IQANK1: variants seen among roughly 807,000 people sequenced by gnomAD.
IQANK1 encodes IQ motif and ankyrin repeat domain-containing protein 1.
A neutral mutation model predicts 22.6 loss-of-function variants in IQANK1; 30 were observed. That is an observed-to-expected ratio of 1.33 (90% CI 0.99 to 1.80). The LOEUF (loss-of-function observed/expected upper bound fraction) is 1.80. Ranked by LOEUF, IQANK1 falls within the 40% of genes most tolerant of loss-of-function variation. IQANK1 has a pLI of 0.00. For missense variants in IQANK1, 275 were observed against 235.2 expected (o/e 1.17, Z -1.11); for synonymous variants, 122 against 99.6 (o/e 1.23, Z -1.34).
At chr8:143,753,696 C>T (rs978546078) in intron 3 of IQANK1, among the ~76,000 whole-genome samples, 11 of 152,148 alleles carry the variant, frequency 7.2e-5, no homozygotes, top group Non-Finnish European at 1.2e-4. Context: ...CTCAGGTGAC[C>T]TGCCTGCCTC....
chr8:143,764,360 A>G (rs60570561), intron 3 of IQANK1, among the ~76,000 whole-genome samples: 8,289 of 150,970 alleles, frequency 0.055, 767 homozygotes, highest in African/African-American at 0.19. Context: ...CCTGCCTTAA[A>G]CCCCAGCACT....
In IQANK1 at chr8:143,781,873, T is replaced by C. The variant is rs116082141; in HGVS notation, c.790-7042T>C. Reference sequence around the variant, plus strand: ...TAAAATGCTTGGTATAATAGTTTGATAGGAATAGCGTCGAATCTGTAAATT... The same window carrying C: ...TAAAATGCTTGGTATAATAGTTTGACAGGAATAGCGTCGAATCTGTAAATT... On this transcript the variant is annotated intron_variant, in intron 7 of 13. Transcript: ENST00000527139. Among the ~76,000 whole-genome samples, 1,255 of 152,346 alleles carry C rather than the reference T, an allele frequency of 8.2e-3. 17 individuals are homozygous for C. Among genetic ancestry groups the C allele is most frequent in the African/African-American group, 0.028 (1,169 of 41,580 alleles).
At chr8:143,779,306 A>G (rs1460663877) in intron 7 of IQANK1, among the ~76,000 whole-genome samples, 4 of 152,214 alleles carry the variant, frequency 2.6e-5, no homozygotes, top group Non-Finnish European at 5.9e-5. Context: ...ATTATGAGAA[A>G]GCAAAGAAGG....
intron 3 of IQANK1, among the ~76,000 whole-genome samples, chr8:143,750,139 C>G (rs1269456541): frequency 1.3e-5 from 2 of 152,056 alleles, no homozygotes; most frequent in South Asian, 2.1e-4. Context: ...GCTGGGATTA[C>G]AGGCATGCGC....
At chr8:143,760,567 C>T (rs1374399995) in intron 3 of IQANK1, 2 of 151,910 alleles carry the variant, frequency 1.3e-5, no homozygotes, top group African/African-American at 2.4e-5. Flanking sequence ...CCTGTAGTCC[C>T]AGCTTCTTGG....
intron 3 of IQANK1, among the ~76,000 whole-genome samples, chr8:143,750,966 G>GTGTGTT (rs1554627959): frequency 2.3e-4 from 34 of 150,690 alleles, no homozygotes; most frequent in South Asian, 8.3e-4. Context: ...GTGTGTGTGT[G>GTGTGTT]TTTTTTTGTA....
At chr8:143,748,830 T>TCATATATAAATATAAATATATATA (rs1554627615) in intron 3 of IQANK1, among the ~76,000 whole-genome samples, 1 of 84,004 alleles carries the variant, frequency 1.2e-5, no homozygotes, top group Admixed American at 2.1e-4. Flanking sequence ...AAATATATAT[T>TCATATATAAATATAAATATATATA]TCATATATAA....
intron 7 of IQANK1, among the ~76,000 whole-genome samples, chr8:143,782,061 TTC>T (rs1354801260): frequency 6.6e-6 from 1 of 152,182 alleles, no homozygotes; most frequent in East Asian, 1.9e-4. Flanking sequence ...AGGTATTTTA[TTC>T]TTTTTGTGGC....
intron 3 of IQANK1, chr8:143,743,735 A>T: frequency 3.1e-6 from 1 of 327,728 alleles, no homozygotes; most frequent in Non-Finnish European, 6.0e-6. Context: ...TATTTAAAAA[A>T]TGATTTTGTT....
chr8:143,783,320 T>C (rs1554631094), intron 7 of IQANK1, among the ~76,000 whole-genome samples: 1 of 152,208 alleles, frequency 6.6e-6, no homozygotes, highest in Non-Finnish European at 1.5e-5. Flanking sequence ...CAGTTTTACC[T>C]TGCATTTCCC....
At chr8:143,739,761 A>G in intron 2 of IQANK1, 98 bp from the exon 3 acceptor site, 1 of 584,090 alleles carries the variant, frequency 1.7e-6, no homozygotes, top group East Asian at 3.1e-5. Context: ...CCTGTCTGCC[A>G]GGACGCACGG....
At chr8:143,753,016 T>TG (rs1819224353) in intron 3 of IQANK1, among the ~76,000 whole-genome samples, 1 of 144,560 alleles carries the variant, frequency 6.9e-6, no homozygotes, top group Non-Finnish European at 1.5e-5. Flanking sequence ...TTTTTTTTTT[T>TG]TTTTTGAGAC....
intron 7 of IQANK1, among the ~76,000 whole-genome samples, chr8:143,775,500 C>T (rs956227426): frequency 1.3e-5 from 2 of 151,982 alleles, no homozygotes; most frequent in African/African-American, 4.8e-5. Flanking sequence ...GTGGCTCACA[C>T]CTGTCATCCC....
At chr8:143,755,239 C>A (rs1819269318) in intron 3 of IQANK1, among the ~76,000 whole-genome samples, 1 of 152,220 alleles carries the variant, frequency 6.6e-6, no homozygotes, top group African/African-American at 2.4e-5. Context: ...ATCACGCCAG[C>A]TCCTCTTGAG....
rs1482271089 is a variant in IQANK1 at position 143,748,470 on chromosome 8, TATATA to T, written c.175+8528_175+8532del. On this transcript the variant is annotated intron_variant, in intron 3 of 13. Transcript: ENST00000527139. ...ATATATCATATATAAATATACATGA[TATATA>T]ATATATAAATATAGATGATATATAT... Among the ~76,000 whole-genome samples the T allele has an allele frequency of 7.0e-4, 99 of 140,986 alleles. 1 individual carries two copies. Among genetic ancestry groups the T allele is most frequent in the African/African-American group, 2.5e-3 (95 of 38,330 alleles). 92.5% of individuals were successfully genotyped at this position (140,986 alleles called of 152,430 possible). A position where few individuals can be genotyped will look rare whatever the true frequency, so the allele number is the denominator to read the frequency against.
At position 143,771,571 on chromosome 8, in the gene IQANK1, G is replaced by A; in HGVS notation, c.259G>A (p.Glu87Lys). The A allele has an allele frequency of 2.5e-6, 1 of 398,334 alleles. No homozygotes were observed. Among genetic ancestry groups the A allele is most frequent in the Non-Finnish European group, 4.4e-6 (1 of 225,898 alleles). The allele number at this position is 398,334 out of a possible 1,614,324, so 24.7% of individuals were successfully genotyped here. A position where few individuals can be genotyped will look rare whatever the true frequency, so the allele number is the denominator to read the frequency against. The change falls in exon 4 of 14, where the codon GAG becomes AAG. Residue 87 changes from glutamate to lysine, a missense_variant. Transcript: ENST00000527139. This position sits in a 1 kb window ranked among gnomAD's most constrained non-coding sequence, Gnocchi z 6.0. ...CAGGAGGGAGCTCGCCCGCCGCCGG[G>A]AGGAGCGCCGGGAGTACCTGGAGCA... ...RARRELARRR[E>K]ERREYLEQME... is the part of the protein sequence containing the mutation.
chr8:143,788,714 C>T (rs1016393188), intron 7 of IQANK1, among the ~76,000 whole-genome samples: 1 of 152,146 alleles, frequency 6.6e-6, no homozygotes, highest in African/African-American at 2.4e-5. Flanking sequence ...GAATTCCCAG[C>T]GGCCTGGGTG....
intron 7 of IQANK1, among the ~76,000 whole-genome samples, chr8:143,779,876 AG>A (rs1400711852): frequency 7.9e-5 from 12 of 152,234 alleles, no homozygotes; most frequent in Admixed American, 7.9e-4. Flanking sequence ...ATTTCTTTTA[AG>A]TTACAAAATC....
Position 143,759,000 on chromosome 8 carries a change from G to T in IQANK1, c.176-12488G>T. 5.3e-6 allele frequency: 1 copy of T among 188,638 alleles called. No homozygotes were observed. Among genetic ancestry groups the T allele is most frequent in the East Asian group, 1.6e-4 (1 of 6,292 alleles). 11.7% of individuals were successfully genotyped at this position (188,638 alleles called of 1,614,324 possible). A position where few individuals can be genotyped will look rare whatever the true frequency, so the allele number is the denominator to read the frequency against. ...GCCATGCCGGGAAGAGCTCGGGTGG[G>T]CTTTCTCCATAGCAATTCTTCGCAA... On this transcript the variant is annotated intron_variant, in intron 3 of 13. Coordinates refer to ENST00000527139, the MANE Select transcript of IQANK1 (RefSeq NM_001381874.1). The surrounding 1 kb of genome is among the most constrained non-coding windows in gnomAD (Gnocchi z 4.2).
Sources: allele counts gnomAD v4.1 joint callset (sites outside exome capture counted in the v4.1 genomes callset), GRCh38; gene constraint gnomAD v4.1.1; non-coding constraint Gnocchi (gnomAD v3.1); transcripts MANE v1.5; gene names NCBI Gene and HGNC (gene_info 2026-07-23, HGNC 2026-07-21).